Variants in PSME3 observed in about 807,000 individuals in gnomAD.
PSME3 encodes the protein proteasome activator complex subunit 3.
Under a neutral mutation model 38.3 loss-of-function variants are expected in PSME3, and 7 were observed. The ratio of observed to expected loss-of-function variants is 0.18; its 90% CI spans 0.10 to 0.34. The LOEUF is 0.34. PSME3 is among the 10% of genes least tolerant of loss of function. The probability of loss-of-function intolerance (pLI) is 1.00; values close to 1 mark genes in which losing one functional copy is unlikely to be tolerated. For synonymous variants in PSME3, 108 were observed against 105.7 expected (o/e 1.02, Z -0.13); for missense variants, 192 against 307.6 (o/e 0.62, Z 2.81).
chr17:42,836,949 C>T (rs1174793733), intron 4 of PSME3, among the ~76,000 whole-genome samples: 3 of 151,530 alleles, frequency 2.0e-5, no homozygotes, highest in Admixed American at 6.6e-5. Flanking sequence ...GGCACAATCT[C>T]GGCTCACTGC....
intron 10 of PSME3, among the ~76,000 whole-genome samples, chr17:42,839,805 T>C (rs1046268365): frequency 6.6e-6 from 1 of 152,054 alleles, no homozygotes; most frequent in African/African-American, 2.4e-5. Context: ...GAGACCAGCC[T>C]GATCAACATG....
chr17:42,837,948 G>A (rs185951250), intron 5 of PSME3, 145 bp from the exon 6 acceptor site: 8 of 931,940 alleles, frequency 8.6e-6, no homozygotes, highest in African/African-American at 3.3e-5. Flanking sequence ...ATACATTCTC[G>A]TTGATTCTAA....
chr17:42,837,516 C>T lies in PSME3; in HGVS notation c.244-133C>T, dbSNP rs78236049. 149 of 1,014,812 alleles carry T rather than the reference C, an allele frequency of 1.5e-4. 1 individual carries two copies. The African/African-American group carries it at 2.0e-3, about 14-fold the overall frequency. The allele number at this position is 1,014,812 out of a possible 1,614,324, so 62.9% of individuals were successfully genotyped here. A position where few individuals can be genotyped will look rare whatever the true frequency, so the allele number is the denominator to read the frequency against. ...AACCTTTCTTAAAGCTTTGTATGTACTTAGGAAATTGTGCAGAAATTAATA... is the reference window on the plus strand; with the variant it reads ...AACCTTTCTTAAAGCTTTGTATGTATTTAGGAAATTGTGCAGAAATTAATA... On this transcript the variant is annotated intron_variant, in intron 4 of 10. Coordinates refer to ENST00000590720, the MANE Select transcript of PSME3 (RefSeq NM_005789.4).
chr17:42,833,699 G>C lies in PSME3; in HGVS notation c.42+26G>C, dbSNP rs763625535. Reference sequence around the variant, plus strand: ...GTAGCGGCACCGGTCCGGCCTTTTTGCCCCTCGCTTTGATCCCCCAGCAGT... The same window carrying C: ...GTAGCGGCACCGGTCCGGCCTTTTTCCCCCTCGCTTTGATCCCCCAGCAGT... On this transcript the variant is annotated intron_variant, in intron 1 of 10. Transcript: ENST00000590720. 1.7e-5 allele frequency: 27 copies of C among 1,614,178 alleles called. No individual in the cohort carries two copies. In the Admixed American group the frequency reaches 4.2e-4, roughly 25 times the overall value.
Position 42,834,326 on chromosome 17 carries a change from T to G in PSME3, c.43-18T>G. 2 of 1,614,108 alleles carry G rather than the reference T, an allele frequency of 1.2e-6. No individual in the cohort carries two copies. Among genetic ancestry groups the G allele is most frequent in the Non-Finnish European group, 1.7e-6 (2 of 1,179,988 alleles). On this transcript the variant is annotated intron_variant, in intron 1 of 10. Transcript: ENST00000590720. ...CCTCTGTCCCCAGGTACTGAATTGCTCTCTTTGTTAATTTTAGGTTGATTC... is the reference window on the plus strand; with the variant it reads ...CCTCTGTCCCCAGGTACTGAATTGCGCTCTTTGTTAATTTTAGGTTGATTC...
chr17:42,837,629 C>G lies in PSME3; in HGVS notation c.244-20C>G. On this transcript the variant is annotated intron_variant, in intron 4 of 10. Transcript: ENST00000590720. ...GTGGGTGTCAAAACTAGGCTCATCC[C>G]TGCCTCTTTGTATCCTTAGCCCACT... 3.7e-6 allele frequency: 6 copies of G among 1,613,844 alleles called. No individual in the cohort carries two copies. The highest frequency in any genetic ancestry group is 4.2e-6 in the Non-Finnish European group (5 of 1,179,756).
At chr17:42,839,494 C>A (rs1228242173) in intron 10 of PSME3, 114 bp downstream of exon 10, 6 of 805,384 alleles carry the variant, frequency 7.4e-6, no homozygotes, top group Non-Finnish European at 1.2e-5. Flanking sequence ...AATGAATAGA[C>A]CAAATTCTAT....
intron 4 of PSME3, among the ~76,000 whole-genome samples, 179 bp from the exon 5 acceptor site, chr17:42,837,470 C>T (rs768270337): frequency 6.6e-6 from 1 of 152,204 alleles, no homozygotes; most frequent in African/African-American, 2.4e-5. Context: ...CAGGCATGAG[C>T]CACCGCGCCT....
chr17:42,833,857 TG>T, intron 1 of PSME3, 184 bp downstream of exon 1: 2 of 1,501,290 alleles, frequency 1.3e-6, no homozygotes, highest in Non-Finnish European at 8.9e-7. Context: ...GATGGCTTTC[TG>T]TACCGCGTCT....
Position 42,833,854 on chromosome 17 carries a change from T to C in PSME3, c.42+181T>C, listed in dbSNP as rs2055429337. 2.0e-6 allele frequency: 3 copies of C among 1,504,910 alleles called. No individual in the cohort carries two copies. In the South Asian group the frequency reaches 3.8e-5, roughly 19 times the overall value. The allele number at this position is 1,504,910 out of a possible 1,614,324, so 93.2% of individuals were successfully genotyped here. A position where few individuals can be genotyped will look rare whatever the true frequency, so the allele number is the denominator to read the frequency against. On this transcript the variant is annotated intron_variant, in intron 1 of 10. Transcript: ENST00000590720. The stretch of plus-strand genomic sequence containing the variant: ...CGGGAGAGGAAAATATAGGATGGCT[T>C]TCTGTACCGCGTCTGATGATGGAGA...
At chr17:42,841,098 A>C (rs1030221510) in intron 10 of PSME3, among the ~76,000 whole-genome samples, 2 of 147,928 alleles carry the variant, frequency 1.4e-5, no homozygotes, top group Admixed American at 6.9e-5. Context: ...GCGCCATTGC[A>C]CTCCAGCCTG....
In PSME3 at chr17:42,841,884, T is replaced by C. The variant is rs1323604205; in HGVS notation, c.*306T>C. The C allele has an allele frequency of 2.1e-5, 5 of 239,054 alleles. No homozygotes were observed. 14.8% of individuals were successfully genotyped at this position (239,054 alleles called of 1,614,324 possible). On this transcript the variant is annotated 3_prime_UTR_variant, in exon 11 of 11. Transcript: ENST00000590720. ...AATACCTGTGTTTTCATTCTCCCCC[T>C]CTCTCCCTCCTGTGTCTTGCGCTTT...
intron 4 of PSME3, among the ~76,000 whole-genome samples, chr17:42,836,056 G>A (rs1458388777): frequency 1.3e-5 from 2 of 149,814 alleles, no homozygotes; most frequent in Non-Finnish European, 3.0e-5. Flanking sequence ...CCTAGGCTGG[G>A]TGCAGTGGCG....
chr17:42,837,990 C>A, intron 5 of PSME3, 103 bp from the exon 6 acceptor site: 1 of 1,245,146 alleles, frequency 8.0e-7, no homozygotes, highest in South Asian at 1.3e-5. Context: ...GTGACAAAGG[C>A]AGAGGTCATA....
chr17:42,838,565 G>C, intron 6 of PSME3, 166 bp from the exon 7 acceptor site: 1 of 724,946 alleles, frequency 1.4e-6, no homozygotes, highest in East Asian at 2.7e-5. Flanking sequence ...TGATCCACCC[G>C]CTTCGGGGTC....
At position 42,837,681 on chromosome 17, in the gene PSME3, T is replaced by C; in HGVS notation, c.276T>C (p.Cys92=). 6.2e-7 allele frequency: 1 copy of C among 1,613,940 alleles called. No homozygotes were observed. The highest frequency in any genetic ancestry group is 8.5e-7 in the Non-Finnish European group (1 of 1,180,010). ...ATAAGAAGCGAAGGTTGGATGAGTG[T>C]GAAGAAGCCTTCCAAGGTAAGAGGC... ...PTYKKRRLDE[C]EEAFQGTKVF... The change falls in exon 5 of 11, where the codon TGT becomes TGC. Residue 92 remains cysteine (C), a synonymous_variant. Coordinates refer to ENST00000590720, the MANE Select transcript of PSME3 (RefSeq NM_005789.4).
intron 1 of PSME3, chr17:42,834,025 G>T (rs1323999663): frequency 6.9e-7 from 1 of 1,439,594 alleles, no homozygotes; most frequent in Non-Finnish European, 9.1e-7. Context: ...AGGTCTGGGT[G>T]GGGGTTGGCA....
intron 4 of PSME3, among the ~76,000 whole-genome samples, chr17:42,835,879 C>T (rs1364944488): frequency 2.0e-5 from 3 of 152,168 alleles, no homozygotes; most frequent in Admixed American, 2.0e-4. Context: ...TGCTTTGCAT[C>T]TCTAACACCT....
intron 10 of PSME3, among the ~76,000 whole-genome samples, chr17:42,840,746 A>G (rs1354211400): frequency 6.6e-6 from 1 of 152,208 alleles, no homozygotes; most frequent in Non-Finnish European, 1.5e-5. Flanking sequence ...TTGTTATTAG[A>G]CACTTGGGGC....
Sources: gnomAD v4.1 joint callset for allele counts (sites outside exome capture counted in the v4.1 genomes callset) on GRCh38, gnomAD v4.1.1 for gene constraint, MANE v1.5 for transcripts, NCBI Gene and HGNC (gene_info 2026-07-23, HGNC 2026-07-21) for gene names.